CPNE4: variants seen among roughly 807,000 people sequenced by gnomAD.
CPNE4 encodes copine-4.
Under a neutral mutation model 67.9 loss-of-function variants are expected in CPNE4, and 25 were observed. The ratio of observed to expected loss-of-function variants is 0.37; its 90% CI spans 0.27 to 0.51. The LOEUF (loss-of-function observed/expected upper bound fraction) is 0.51, where lower values mean the gene tolerates loss of function less well. Among genes scored for constraint, CPNE4 ranks in the 20% least tolerant of loss-of-function variants. The pLI, the probability that CPNE4 is intolerant of heterozygous loss-of-function variation, is 0.93. For synonymous variants in CPNE4, 242 were observed against 244.9 expected (o/e 0.99, Z 0.11); for missense variants, 464 against 690.8 (o/e 0.67, Z 3.68).
chr3:131,792,748 T>TATATATAC (rs2083802386), intron 2 of CPNE4, among the ~76,000 whole-genome samples: 4 of 119,588 alleles, frequency 3.3e-5, no homozygotes, highest in East Asian at 2.4e-4. Context: ...TATATATGTA[T>TATATATAC]ATATATACAC....
Position 131,555,488 on chromosome 3 carries a change from C to T in CPNE4, c.1116+9G>A. On this transcript the variant is annotated intron_variant, in intron 12 of 15. Coordinates refer to ENST00000429747, the MANE Select transcript of CPNE4 (RefSeq NM_130808.3). ...GAAGTGGAAGAAGATCACATCTCCACTCACTCACCGTGTACTCTGGAGGTA... is the reference window on the plus strand; with the variant it reads ...GAAGTGGAAGAAGATCACATCTCCATTCACTCACCGTGTACTCTGGAGGTA... 1 of 1,611,444 alleles carries T rather than the reference C, an allele frequency of 6.2e-7. No individual in the cohort carries two copies.
At chr3:131,738,792 T>A (rs1271256083) in intron 2 of CPNE4, among the ~76,000 whole-genome samples, 1 of 152,164 alleles carries the variant, frequency 6.6e-6, no homozygotes, top group Non-Finnish European at 1.5e-5. Context: ...CTTGATTCAA[T>A]GCAAATGCAC....
intron 1 of CPNE4, among the ~76,000 whole-genome samples, chr3:132,000,853 A>G (rs2107662494): frequency 6.6e-6 from 1 of 152,028 alleles, no homozygotes; most frequent in East Asian, 1.9e-4. Flanking sequence ...TTCTTAAAAA[A>G]AAAAAAAAAG....
intron 1 of CPNE4, among the ~76,000 whole-genome samples, chr3:132,013,867 G>A (rs1374890441): frequency 5.3e-5 from 8 of 152,064 alleles, no homozygotes; most frequent in African/African-American, 1.4e-4. Context: ...TCCCAGATTT[G>A]CACTCAGGCA....
At chr3:131,942,463 T>TGTGTGTGTGTGAGAGA (rs2071424814) in intron 1 of CPNE4, among the ~76,000 whole-genome samples, 2 of 70,766 alleles carry the variant, frequency 2.8e-5, no homozygotes, top group African/African-American at 1.0e-4. Flanking sequence ...TGTGTGTGTG[T>TGTGTGTGTGTGAGAGA]GAGAGAGAGA....
intron 7 of CPNE4, among the ~76,000 whole-genome samples, chr3:131,627,205 AAAAAAG>A (rs1234548435): frequency 2.0e-4 from 31 of 151,574 alleles, no homozygotes; most frequent in African/African-American, 7.3e-4. Flanking sequence ...AAAAAAAAAA[AAAAAAG>A]AAAAAAAGAA....
intron 14 of CPNE4, 31 bp from the exon 15 acceptor site, chr3:131,542,824 G>A: frequency 6.9e-7 from 1 of 1,451,504 alleles, no homozygotes; most frequent in South Asian, 1.2e-5. Context: ...ATGATGGGGG[G>A]GGGTGAAGAG....
chr3:131,790,474 C>T (rs985769547), intron 2 of CPNE4, among the ~76,000 whole-genome samples: 1 of 152,128 alleles, frequency 6.6e-6, no homozygotes, highest in Non-Finnish European at 1.5e-5. Flanking sequence ...CTCTAACAGG[C>T]ACCTTTCTTA....
intron 1 of CPNE4, among the ~76,000 whole-genome samples, chr3:131,931,036 C>A (rs1053483360): frequency 6.6e-6 from 1 of 152,132 alleles, no homozygotes; most frequent in South Asian, 2.1e-4. Flanking sequence ...ATGCATAGGT[C>A]AATACTTCAT....
At chr3:131,676,413 T>G (rs1469593780) in intron 6 of CPNE4, among the ~76,000 whole-genome samples, 2 of 152,162 alleles carry the variant, frequency 1.3e-5, no homozygotes, top group Admixed American at 1.3e-4. Flanking sequence ...ATATGCAGGA[T>G]GTGCAGGTTT....
At chr3:131,605,911 A>T (rs1289545795) in intron 7 of CPNE4, among the ~76,000 whole-genome samples, 1 of 152,196 alleles carries the variant, frequency 6.6e-6, no homozygotes, top group Non-Finnish European at 1.5e-5. Context: ...ATATTTGGCC[A>T]TGAAAAGTCT....
intron 2 of CPNE4, among the ~76,000 whole-genome samples, chr3:131,860,296 A>T (rs1583344804): frequency 6.6e-6 from 1 of 152,366 alleles, no homozygotes; most frequent in East Asian, 1.9e-4. Context: ...ATAACATTTT[A>T]GAAACGGTAC....
chr3:131,717,913 T>TC (rs2081764247), intron 3 of CPNE4, among the ~76,000 whole-genome samples: 3 of 146,536 alleles, frequency 2.0e-5, no homozygotes, highest in African/African-American at 7.6e-5. Context: ...TTTCTTTCTT[T>TC]CTTTCTTTCT....
At chr3:131,737,670 G>A (rs551415330) in intron 2 of CPNE4, among the ~76,000 whole-genome samples, 1 of 152,272 alleles carries the variant, frequency 6.6e-6, no homozygotes, top group East Asian at 1.9e-4. Flanking sequence ...CATGAGCTCT[G>A]TGCTAAGTCC....
intron 2 of CPNE4, among the ~76,000 whole-genome samples, chr3:131,798,837 TG>T (rs1334330220): frequency 6.6e-6 from 1 of 152,144 alleles, no homozygotes; most frequent in African/African-American, 2.4e-5. Context: ...TTACTGCAAA[TG>T]CCATCCATAA....
chr3:131,902,171 A>G (rs992160878), intron 2 of CPNE4, among the ~76,000 whole-genome samples: 1 of 152,136 alleles, frequency 6.6e-6, no homozygotes, highest in African/African-American at 2.4e-5. Flanking sequence ...TCAATGAACC[A>G]TATGATTAAG....
intron 9 of CPNE4, 138 bp downstream of exon 9, chr3:131,581,437 GTTCT>G (rs1937829859): frequency 3.2e-6 from 2 of 616,830 alleles, no homozygotes. Context: ...CTCATTTTAT[GTTCT>G]TTAATACATG....
chr3:131,555,330 C>T (rs542089854), intron 12 of CPNE4, among the ~76,000 whole-genome samples, 167 bp downstream of exon 12: 4 of 152,114 alleles, frequency 2.6e-5, no homozygotes, highest in South Asian at 2.1e-4. Flanking sequence ...CATCAAGAGA[C>T]GGGCCCTGGC....
At chr3:131,842,166 C>T (rs1187532070) in intron 2 of CPNE4, among the ~76,000 whole-genome samples, 1 of 152,200 alleles carries the variant, frequency 6.6e-6, no homozygotes, top group Admixed American at 6.5e-5. Flanking sequence ...GATGAGAAAG[C>T]ATATTTTGGT....
Sources: allele counts gnomAD v4.1 joint callset (sites outside exome capture counted in the v4.1 genomes callset), GRCh38; gene constraint gnomAD v4.1.1; transcripts MANE v1.5; gene names NCBI Gene and HGNC (gene_info 2026-07-23, HGNC 2026-07-21).